PEX2: variants seen among roughly 807,000 people sequenced by gnomAD.
PEX2 encodes the protein peroxisomal biogenesis factor 2.
A neutral mutation model predicts 25.2 loss-of-function variants in PEX2; 19 were observed. That is an observed-to-expected ratio of 0.75 (90% confidence interval 0.53 to 1.10). The LOEUF is 1.10. Among genes scored for constraint, PEX2 ranks in the 50% least tolerant of loss-of-function variants. The pLI is 0.00. For missense variants in PEX2, 347 were observed against 350.6 expected, an observed-to-expected ratio of 0.99 and a Z score of 0.08; for synonymous variants, 141 against 127.7, an observed-to-expected ratio of 1.10 and a Z score of -0.70.
At chr8:76,993,838 G>T (rs1807244259) in intron 1 of PEX2, among the ~76,000 whole-genome samples, 1 of 152,022 alleles carries the variant, frequency 6.6e-6, no homozygotes, top group African/African-American at 2.4e-5. Flanking sequence ...CAGGGGAGGG[G>T]AGAGAGATAT....
Position 76,984,200 on chromosome 8 carries a change from GA to G in PEX2, c.-17-6del. ...CCATGTCTTCTCTGAAGGTCTCTAG[GA>G]AAAAATACAATTGAAGAACATTAGC... On this transcript the variant is annotated splice_region_variant and splice_polypyrimidine_tract_variant and intron_variant, in intron 3 of 3. Transcript: ENST00000357039. 1 of 1,611,172 alleles carries G rather than the reference GA, an allele frequency of 6.2e-7. No homozygotes were observed. Among genetic ancestry groups the G allele is most frequent in the Non-Finnish European group, 8.5e-7 (1 of 1,177,846 alleles).
Position 76,983,247 on chromosome 8 carries a change from A to G in PEX2, c.*14T>C. The G allele has an allele frequency of 1.9e-6, 3 of 1,610,076 alleles. No homozygotes were observed. Among genetic ancestry groups the G allele is most frequent in the Non-Finnish European group, 2.5e-6 (3 of 1,179,936 alleles). On this transcript the variant is annotated 3_prime_UTR_variant, in exon 4 of 4. Coordinates refer to ENST00000357039, the MANE Select transcript of PEX2 (RefSeq NM_000318.3). Reference sequence around the variant, plus strand: ...ACGGTGCATTTTTTTCCTCAAAGGAAGCAATTTTAGTTTCTAAAGAGCATT... The same window carrying G: ...ACGGTGCATTTTTTTCCTCAAAGGAGGCAATTTTAGTTTCTAAAGAGCATT...
At chr8:76,995,197 C>A (rs1807287559) in intron 1 of PEX2, among the ~76,000 whole-genome samples, 1 of 152,204 alleles carries the variant, frequency 6.6e-6, no homozygotes, top group Non-Finnish European at 1.5e-5. Context: ...CATACATAAA[C>A]TAAGTTTTAA....
rs1201431764 is a variant in PEX2, at chr8:76,983,710, A to C, written c.469T>G (p.Phe157Val). 2 of 1,613,994 alleles carry C rather than the reference A, an allele frequency of 1.2e-6. No homozygotes were observed. Among genetic ancestry groups the C allele is most frequent in the African/African-American group, 2.7e-5 (2 of 74,924 alleles). The change falls in exon 4 of 4, where the codon TTC (phenylalanine) becomes GTC (valine). Residue 157 changes from phenylalanine to valine, a missense_variant. Phe to Val is a conservative substitution (Grantham distance 50, BLOSUM62 -1). Coordinates refer to ENST00000357039, the MANE Select transcript of PEX2 (RefSeq NM_000318.3). ...KLGGLINFLI[F>V]LQRGKFATLT... The stretch of plus-strand genomic sequence containing the variant: ...GTTGCAAACTTTCCCCTCTGAAGGA[A>C]AATCAAAAAATTAATCAGCCCACCT...
chr8:76,992,854 T>C (rs188712077), intron 1 of PEX2, among the ~76,000 whole-genome samples: 55 of 152,314 alleles, frequency 3.6e-4, no homozygotes, highest in Admixed American at 1.5e-3. Flanking sequence ...GGACTGGCCA[T>C]TGATCTCTGA....
chr8:76,995,415 A>C (rs1277764455), intron 1 of PEX2, among the ~76,000 whole-genome samples: 6 of 152,206 alleles, frequency 3.9e-5, no homozygotes, highest in African/African-American at 7.2e-5. Context: ...ATGTATCTGA[A>C]AGATAAACTT....
At chr8:76,997,721 A>G (rs1349754382) in intron 1 of PEX2, among the ~76,000 whole-genome samples, 1 of 152,238 alleles carries the variant, frequency 6.6e-6, no homozygotes, top group Non-Finnish European at 1.5e-5. Context: ...GTCTGATAAA[A>G]AGAAAATATA....
At chr8:76,998,988 T>G (rs984345590) in intron 1 of PEX2, among the ~76,000 whole-genome samples, 14 of 138,968 alleles carry the variant, frequency 1.0e-4, no homozygotes, top group African/African-American at 2.7e-4. Context: ...ATATGAAGGG[T>G]TTTTTTTTTT....
At chr8:76,987,115 T>C (rs748678547) in intron 2 of PEX2, among the ~76,000 whole-genome samples, 7 of 152,204 alleles carry the variant, frequency 4.6e-5, no homozygotes, top group Non-Finnish European at 7.3e-5. Flanking sequence ...TACCTGTTAA[T>C]ATGAGAGCTA....
In PEX2 at chr8:76,983,778, T is replaced by C; in HGVS notation, c.401A>G (p.Lys134Arg). 1 of 1,614,110 alleles carries C rather than the reference T, an allele frequency of 6.2e-7. No homozygotes were observed. The highest frequency in any genetic ancestry group is 8.5e-7 in the Non-Finnish European group (1 of 1,180,008). Residue 134 changes from lysine (K) to arginine (R), a missense_variant, in exon 4 of 4, where the codon AAA (lysine) becomes AGA (arginine). Coordinates refer to ENST00000357039, the MANE Select transcript of PEX2 (RefSeq NM_000318.3). ...CACAAAATTCACACACTGCTTGACT[T>C]TCCCAAATGATGCTAAATGATGGTT... ...FRNHHLASFGKVKQCVNFVIG... is the reference protein window; with the variant it reads ...FRNHHLASFGRVKQCVNFVIG...
Position 76,983,653 on chromosome 8 carries a change from C to T in PEX2, c.526G>A (p.Val176Ile). 1 of 1,614,138 alleles carries T rather than the reference C, an allele frequency of 6.2e-7. No homozygotes were observed. Among genetic ancestry groups the T allele is most frequent in the Non-Finnish European group, 8.5e-7 (1 of 1,180,012 alleles). ...CATATGTTTTGAGGCTTGCAAAATACAGAATGAATACCTAGGAGACGTTCT... is the reference window on the plus strand; with the variant it reads ...CATATGTTTTGAGGCTTGCAAAATATAGAATGAATACCTAGGAGACGTTCT... ...LTERLLGIHSVFCKPQNICEV... is the reference protein window; with the variant it reads ...LTERLLGIHSIFCKPQNICEV... The change falls in exon 4 of 4, where the codon GTA becomes ATA. Residue 176 changes from valine (V) to isoleucine (I), a missense_variant. Val to Ile is a conservative substitution (Grantham distance 29). Transcript: ENST00000357039.
intron 1 of PEX2, among the ~76,000 whole-genome samples, chr8:76,993,347 C>A (rs1488950349): frequency 6.6e-6 from 1 of 152,158 alleles, no homozygotes; most frequent in East Asian, 1.9e-4. Flanking sequence ...TGCAACAATT[C>A]AGGGGCCTAC....
chr8:76,987,873 T>C (rs888156247), intron 2 of PEX2: 1 of 152,138 alleles, frequency 6.6e-6, no homozygotes, highest in African/African-American at 2.4e-5. Flanking sequence ...AAAGAAAATA[T>C]ATACATGCAA....
intron 1 of PEX2, among the ~76,000 whole-genome samples, chr8:76,997,256 C>A (rs1807362256): frequency 6.6e-6 from 1 of 152,210 alleles, no homozygotes; most frequent in Non-Finnish European, 1.5e-5. Flanking sequence ...AAGGTGTGAA[C>A]ATTAACTATT....
intron 1 of PEX2, among the ~76,000 whole-genome samples, chr8:76,997,194 T>C (rs1807360347): frequency 6.6e-6 from 1 of 152,164 alleles, no homozygotes; most frequent in Non-Finnish European, 1.5e-5. Context: ...CAAAGGACCA[T>C]TCAAAGAACC....
chr8:77,000,033 G>A lies in PEX2; in HGVS notation c.-203C>T, dbSNP rs559844447. 2.2e-4 allele frequency: 98 copies of A among 447,816 alleles called. No individual in the cohort carries two copies. Among genetic ancestry groups the A allele is most frequent in the African/African-American group, 1.5e-3 (75 of 49,576 alleles). 27.7% of individuals were successfully genotyped at this position (447,816 alleles called of 1,614,324 possible). A position where few individuals can be genotyped will look rare whatever the true frequency, so the allele number is the denominator to read the frequency against. On this transcript the variant is annotated 5_prime_UTR_variant, in exon 1 of 4. It introduces an in-frame stop codon into an upstream open reading frame of the 5' UTR. Coordinates refer to ENST00000357039, the MANE Select transcript of PEX2 (RefSeq NM_000318.3). ...GCCCACGCTCCACGTAACTTTCTCT[G>A]AAACATTCTCTGGAAAGCTTGTCTT...
chr8:76,999,330 T>C (rs898602909), intron 1 of PEX2, among the ~76,000 whole-genome samples: 4 of 152,148 alleles, frequency 2.6e-5, no homozygotes, highest in African/African-American at 7.2e-5. Flanking sequence ...TCACTAAATG[T>C]GGGAAATTTG....
At position 76,981,836 on chromosome 8, in the gene PEX2, G is replaced by A. The variant is rs1806838834; in HGVS notation, c.*1425C>T. On this transcript the variant is annotated 3_prime_UTR_variant, in exon 4 of 4. Coordinates refer to ENST00000357039, the MANE Select transcript of PEX2 (RefSeq NM_000318.3). ...AAGGCAAAAGAAGGCAAATTCTTAA[G>A]ATGTAAAATACTCTTAACTCAAACT... 6.6e-6 allele frequency: 1 copy of A among 152,170 alleles called. No individual in the cohort carries two copies. Among genetic ancestry groups the A allele is most frequent in the African/African-American group, 2.4e-5 (1 of 41,450 alleles). The allele number at this position is 152,170 out of a possible 1,614,324, so 9.4% of individuals were successfully genotyped here.
chr8:76,984,951 T>C (rs1208104203), intron 3 of PEX2, among the ~76,000 whole-genome samples: 1 of 151,772 alleles, frequency 6.6e-6, no homozygotes, highest in Non-Finnish European at 1.5e-5. Flanking sequence ...ATGCCATAAA[T>C]AGACTAAGGA....
Sources: gnomAD v4.1 joint callset for allele counts (sites outside exome capture counted in the v4.1 genomes callset) on GRCh38, gnomAD v4.1.1 for gene constraint, MANE v1.5 for transcripts, NCBI Gene and HGNC (gene_info 2026-07-23, HGNC 2026-07-21) for gene names.